DPH6: variants seen among roughly 807,000 people sequenced by gnomAD.
The protein encoded by DPH6 is diphthine--ammonia ligase.
A neutral mutation model predicts 38.2 loss-of-function variants in DPH6; 33 were observed. That is an observed-to-expected ratio of 0.86 (90% CI 0.65 to 1.15). DPH6 has a LOEUF of 1.15. Ranked by LOEUF, DPH6 falls within the 50% of genes most tolerant of loss-of-function variation. The probability of loss-of-function intolerance (pLI) is 0.00; values close to 1 mark genes in which losing one functional copy is unlikely to be tolerated. For missense variants in DPH6, 325 were observed against 320.0 expected, an observed-to-expected ratio of 1.02 and a Z score of -0.12; for synonymous variants, 108 against 103.0, an observed-to-expected ratio of 1.05 and a Z score of -0.30.
At chr15:35,440,383 GT>G (rs2053771742) in intron 5 of DPH6, among the ~76,000 whole-genome samples, 2 of 152,006 alleles carry the variant, frequency 1.3e-5, no homozygotes, top group Non-Finnish European at 2.9e-5. Context: ...TTTTTGTTTC[GT>G]TTTGACATGT....
intron 5 of DPH6, among the ~76,000 whole-genome samples, chr15:35,423,468 G>C (rs1595550690): frequency 6.6e-6 from 1 of 151,570 alleles, no homozygotes; most frequent in South Asian, 2.1e-4. Context: ...TATAGGATTT[G>C]TAAATATTGT....
chr15:35,169,246 C>T, the DPH6 span, among the ~76,000 whole-genome samples: 19 of 152,118 alleles, frequency 1.2e-4, no homozygotes, highest in African/African-American at 3.6e-4. Context: ...CCCTTAAAAA[C>T]GAGCATACAG....
chr15:35,345,289 C>T (rs2052452628), intron 3 of DPH6, among the ~76,000 whole-genome samples: 1 of 151,832 alleles, frequency 6.6e-6, no homozygotes, highest in Non-Finnish European at 1.5e-5. Context: ...TTGTTTTGCA[C>T]TATTTATAGA....
At chr15:35,411,225 T>A (rs1011132826) in intron 5 of DPH6, among the ~76,000 whole-genome samples, 6 of 151,796 alleles carry the variant, frequency 4.0e-5, no homozygotes, top group East Asian at 1.9e-4. Context: ...GAAATTTTAA[T>A]TCTTTATATT....
At chr15:35,223,819 ACTTT>A (rs1379091400) in intron 3 of DPH6, among the ~76,000 whole-genome samples, 1 of 152,076 alleles carries the variant, frequency 6.6e-6, no homozygotes, top group Non-Finnish European at 1.5e-5. Context: ...TTTGTGTTGA[ACTTT>A]CTGTGAGTTT....
chr15:35,264,197 C>G (rs1448384233), intron 3 of DPH6, among the ~76,000 whole-genome samples: 1 of 151,944 alleles, frequency 6.6e-6, no homozygotes, highest in Non-Finnish European at 1.5e-5. Flanking sequence ...GGAGCACAAT[C>G]TATCTTGGAT....
At chr15:35,465,411 C>T (rs904876589) in intron 3 of DPH6, among the ~76,000 whole-genome samples, 3 of 152,128 alleles carry the variant, frequency 2.0e-5, no homozygotes, top group Non-Finnish European at 4.4e-5. Context: ...TTGTGAATGC[C>T]AACGACGTTC....
rs1182041501 is a variant in DPH6, at chr15:35,299,346, C to T, written n.200+74175G>A. 5 of 973,888 alleles carry T rather than the reference C, an allele frequency of 5.1e-6. No homozygotes were observed. The East Asian group carries it at 9.5e-5, about 18-fold the overall frequency. The allele number at this position is 973,888 out of a possible 1,614,324, so 60.3% of individuals were successfully genotyped here. A position where few individuals can be genotyped will look rare whatever the true frequency, so the allele number is the denominator to read the frequency against. On this transcript the variant is annotated intron_variant and non_coding_transcript_variant, in intron 3 of 3. Coordinates refer to the DPH6 transcript ENST00000560386. Reference sequence around the variant, plus strand: ...GGCTCTTTGCCTGAGTGAGAGCTGCCTTCTTCACCTGAAGCTGAGACTGTA... The same window carrying T: ...GGCTCTTTGCCTGAGTGAGAGCTGCTTTCTTCACCTGAAGCTGAGACTGTA...
intron 3 of DPH6, among the ~76,000 whole-genome samples, chr15:35,338,652 T>A (rs964667837): frequency 4.6e-5 from 7 of 152,102 alleles, no homozygotes; most frequent in African/African-American, 7.2e-5. Context: ...GAACTAGAAA[T>A]ACCATTTGAC....
chr15:35,308,790 G>A (rs1450562834), intron 3 of DPH6, among the ~76,000 whole-genome samples: 1 of 152,160 alleles, frequency 6.6e-6, no homozygotes, highest in Non-Finnish European at 1.5e-5. Context: ...GTAACAATAA[G>A]AGGATCAACA....
downstream of DPH6, among the ~76,000 whole-genome samples, chr15:35,214,029 G>C (rs1029021163): frequency 3.3e-5 from 5 of 151,704 alleles, no homozygotes; most frequent in East Asian, 9.7e-4. Context: ...GGAGAATGGC[G>C]TGAACCCGCG....
chr15:35,332,297 A>G (rs1330707935), intron 3 of DPH6, among the ~76,000 whole-genome samples: 1 of 152,194 alleles, frequency 6.6e-6, no homozygotes, highest in Non-Finnish European at 1.5e-5. Flanking sequence ...AATTAGGCAA[A>G]AGGATAAATT....
intron 4 of DPH6, 70 bp downstream of exon 4, chr15:35,454,677 A>G: frequency 7.7e-7 from 1 of 1,296,150 alleles, no homozygotes; most frequent in African/African-American, 1.5e-5. Flanking sequence ...GAATATGATT[A>G]TTATTTTTCA....
At chr15:35,214,722 C>G (rs2051403385), downstream of DPH6, among the ~76,000 whole-genome samples, 1 of 152,194 alleles carries the variant, frequency 6.6e-6, no homozygotes, top group Non-Finnish European at 1.5e-5. Context: ...ATTCTCCTGC[C>G]TCAGACTACC....
intron 3 of DPH6, among the ~76,000 whole-genome samples, chr15:35,309,568 C>A (rs1348831948): frequency 6.6e-6 from 1 of 152,056 alleles, no homozygotes; most frequent in Admixed American, 6.6e-5. Flanking sequence ...TTTTAAAGAG[C>A]GAAAAGGCAT....
chr15:35,426,293 TTAAG>T (rs1194580066), intron 5 of DPH6, among the ~76,000 whole-genome samples: 1 of 151,736 alleles, frequency 6.6e-6, no homozygotes, highest in Non-Finnish European at 1.5e-5. Flanking sequence ...TGAAAGCACA[TTAAG>T]TAACCTTTTT....
chr15:35,238,951 C>G (rs557041390), intron 3 of DPH6, among the ~76,000 whole-genome samples: 3 of 147,970 alleles, frequency 2.0e-5, no homozygotes, highest in South Asian at 4.6e-4. Context: ...CCCTTATCTC[C>G]CTTTGCTGAC....
chr15:35,521,206 G>T, intron 3 of DPH6: 2 of 985,266 alleles, frequency 2.0e-6, no homozygotes, highest in Non-Finnish European at 2.4e-6. Flanking sequence ...TTAATTTATG[G>T]GTTTTGCTTA....
At chr15:35,320,853 A>G (rs941987205) in intron 3 of DPH6, among the ~76,000 whole-genome samples, 3 of 152,030 alleles carry the variant, frequency 2.0e-5, no homozygotes, top group African/African-American at 7.2e-5. Flanking sequence ...TGGCAGGGAG[A>G]AAAAAATAAA....
Sources: allele counts gnomAD v4.1 joint callset (sites outside exome capture counted in the v4.1 genomes callset), GRCh38; gene constraint gnomAD v4.1.1; transcripts MANE v1.5; gene names NCBI Gene and HGNC (gene_info 2026-07-23, HGNC 2026-07-21).